ALDH3B1: variants seen among roughly 807,000 people sequenced by gnomAD.
ALDH3B1 encodes aldehyde dehydrogenase 3 family member B1.
In ALDH3B1, 37 loss-of-function variants were observed where a neutral mutation model predicts 46.2. The observed-to-expected ratio is 0.80, with a 90% CI of 0.62 to 1.05. The LOEUF is 1.05. ALDH3B1 is among the 50% of genes least tolerant of loss of function. The pLI is 0.00. For missense variants in ALDH3B1, 603 were observed against 665.5 expected (o/e 0.91, Z 1.03); for synonymous variants, 283 against 281.0 (o/e 1.01, Z -0.07).
intron 6 of ALDH3B1, 81 bp from the exon 7 acceptor site, chr11:68,021,404 G>A (rs921469112): frequency 1.3e-6 from 2 of 1,540,988 alleles, no homozygotes; most frequent in African/African-American, 1.4e-5. Flanking sequence ...CACCTCTCCA[G>A]GGAGGAGCGG....
At position 68,026,048 on chromosome 11, in the gene ALDH3B1, T is replaced by C. The variant is rs1857614983; in HGVS notation, c.1156T>C (p.Phe386Leu). The change falls in exon 9 of 10, where the codon TTC becomes CTC. Residue 386 changes from phenylalanine to leucine, a missense_variant. Transcript: ENST00000342456. ...RVLTQTSSGGFCGNDGFMHMT... is the reference protein window; with the variant it reads ...RVLTQTSSGGLCGNDGFMHMT... ...GCTGACCCAGACCAGCAGCGGGGGC[T>C]TCTGTGGGAACGACGGCTTCATGCA... 2 of 1,609,348 alleles carry C rather than the reference T, an allele frequency of 1.2e-6. No individual in the cohort carries two copies. The highest frequency in any genetic ancestry group is 1.7e-5 in the Admixed American group (1 of 59,410).
At chr11:68,014,257 T>G (rs1857293478) in intron 1 of ALDH3B1, among the ~76,000 whole-genome samples, 1 of 151,954 alleles carries the variant, frequency 6.6e-6, no homozygotes, top group African/African-American at 2.4e-5. Context: ...AACCAGACAT[T>G]TATCACATGG....
chr11:68,011,000 T>C (rs1857217659), intron 1 of ALDH3B1, among the ~76,000 whole-genome samples: 2 of 152,252 alleles, frequency 1.3e-5, no homozygotes, highest in East Asian at 3.9e-4. Flanking sequence ...GACCCGGGGC[T>C]GGGTTGGCCC....
intron 2 of ALDH3B1, 195 bp downstream of exon 2, chr11:68,015,654 G>C: frequency 1.3e-6 from 1 of 770,166 alleles, no homozygotes; most frequent in East Asian, 2.7e-5. Flanking sequence ...TATTTGCTGA[G>C]CACCTACTAT....
At chr11:68,013,021 C>T (rs536429067) in intron 1 of ALDH3B1, among the ~76,000 whole-genome samples, 3 of 151,926 alleles carry the variant, frequency 2.0e-5, no homozygotes, top group Admixed American at 6.5e-5. Context: ...GGATGAGTGC[C>T]GCGGGGGTGG....
At chr11:68,010,984 C>T (rs575975376) in intron 1 of ALDH3B1, among the ~76,000 whole-genome samples, 74 of 152,344 alleles carry the variant, frequency 4.9e-4, no homozygotes, top group Non-Finnish European at 1.0e-3. Flanking sequence ...TGTTCAGCCT[C>T]TTTGTGACCC....
intron 6 of ALDH3B1, among the ~76,000 whole-genome samples, chr11:68,020,923 G>A (rs1349751954): frequency 1.3e-5 from 2 of 152,160 alleles, no homozygotes; most frequent in Non-Finnish European, 2.9e-5. Context: ...GCCCCTGGAG[G>A]CCAGCACAGA....
chr11:68,018,567 A>C lies in ALDH3B1; in HGVS notation c.203A>C (p.Gln68Pro), dbSNP rs1487153570. Reference sequence around the variant, plus strand: ...GAGGTGTCTGAGGTTGCCATCAGCCAGGGCGAGGTCACCCTGGCCCTCAGG... The same window carrying C: ...GAGGTGTCTGAGGTTGCCATCAGCCCGGGCGAGGTCACCCTGGCCCTCAGG... ...ESEVSEVAIS[Q>P]GEVTLALRNL... The change falls in exon 3 of 10, where the codon CAG (glutamine) becomes CCG (proline). Residue 68 changes from glutamine to proline, a missense_variant. Gln to Pro is a moderately conservative substitution (Grantham distance 76). Transcript: ENST00000342456. 1 of 1,580,682 alleles carries C rather than the reference A, an allele frequency of 6.3e-7. No homozygotes were observed. Among genetic ancestry groups the C allele is most frequent in the East Asian group, 2.3e-5 (1 of 42,874 alleles).
Position 68,027,831 on chromosome 11 carries a change from G to C in ALDH3B1, c.1299G>C (p.Pro433=), listed in dbSNP as rs308341. The part of the protein sequence containing the change: ...SHHRACLLRS[P]GMEKLNALRY... The stretch of plus-strand genomic sequence containing the variant: ...ATCGCGCCTGCCTCCTGCGCAGCCC[G>C]GGGATGGAGAAGCTCAACGCCCTCC... The change falls in exon 10 of 10, where the codon CCG becomes CCC. Residue 433 remains proline, a synonymous_variant. Coordinates refer to ENST00000342456, the MANE Select transcript of ALDH3B1 (RefSeq NM_000694.4). The C allele has an allele frequency of 6.4e-7, 1 of 1,555,710 alleles. No homozygotes were observed. The highest frequency in any genetic ancestry group is 2.0e-5 in the Admixed American group (1 of 51,210).
chr11:68,025,352 G>A (rs1857595533), intron 8 of ALDH3B1: 1 of 152,218 alleles, frequency 6.6e-6, no homozygotes, highest in Non-Finnish European at 1.5e-5. Flanking sequence ...GAGGTTCACG[G>A]TGATTGCAAC....
chr11:68,027,882 C>T lies in ALDH3B1; in HGVS notation c.1350C>T (p.Arg450=). ...GCTACCCGCCGCAATCGCCGCGCCG[C>T]CTGAGGATGCTGCTGGTGGCCATGG... ...ALRYPPQSPR[R]LRMLLVAMEA... The change falls in exon 10 of 10, where the codon CGC becomes CGT. Residue 450 remains arginine, a synonymous_variant. Transcript: ENST00000342456. The T allele has an allele frequency of 6.4e-7, 1 of 1,564,012 alleles. No individual in the cohort carries two copies. The highest frequency in any genetic ancestry group is 1.2e-5 in the South Asian group (1 of 85,056).
At chr11:68,015,844 T>A (rs1409925093) in intron 2 of ALDH3B1, 1 of 361,206 alleles carries the variant, frequency 2.8e-6, no homozygotes, top group South Asian at 2.1e-5. Flanking sequence ...GGTGGGCGGA[T>A]CGCTTGAGGC....
Position 68,028,023 on chromosome 11 carries a change from G to C in ALDH3B1, c.*84G>C, listed in dbSNP as rs772953072. The C allele has an allele frequency of 6.5e-7, 1 of 1,540,026 alleles. No individual in the cohort carries two copies. Among genetic ancestry groups the C allele is most frequent in the South Asian group, 1.1e-5 (1 of 88,130 alleles). ...AGACGGGGCCTGGGCTCCCGGGCCC[G>C]AGGAGGAAAAGGATTGCCAAGGCTC... On this transcript the variant is annotated 3_prime_UTR_variant, in exon 10 of 10. Transcript: ENST00000342456.
intron 1 of ALDH3B1, among the ~76,000 whole-genome samples, chr11:68,011,211 C>G (rs1857223275): frequency 6.6e-6 from 1 of 152,222 alleles, no homozygotes; most frequent in African/African-American, 2.4e-5. Flanking sequence ...AGAGCTCCCA[C>G]CAGGCAGTGG....
rs76553326 is a variant in ALDH3B1 at position 68,019,042 on chromosome 11, C to T, written c.395-128C>T. ...TCCCCGGGCTGTGTGGCCCTGGGCC[C>T]GTCATGTTACCTCTCTGAACCAGGT... On this transcript the variant is annotated intron_variant, in intron 4 of 9. Coordinates refer to ENST00000342456, the MANE Select transcript of ALDH3B1 (RefSeq NM_000694.4). 1.7e-3 allele frequency: 2,519 copies of T among 1,442,404 alleles called. 36 individuals are homozygous for T. In the African/African-American group the frequency reaches 0.032, roughly 18 times the overall value. The allele number at this position is 1,442,404 out of a possible 1,614,324, so 89.4% of individuals were successfully genotyped here.
chr11:68,017,305 C>T (rs1418682430), intron 2 of ALDH3B1: 1 of 152,338 alleles, frequency 6.6e-6, no homozygotes, highest in Non-Finnish European at 1.5e-5. Context: ...TAGGAGGTGC[C>T]AGTGGGCGTG....
At chr11:68,023,145 A>G (rs1356843277) in intron 8 of ALDH3B1, among the ~76,000 whole-genome samples, 1 of 152,168 alleles carries the variant, frequency 6.6e-6, no homozygotes, top group African/African-American at 2.4e-5. Flanking sequence ...TCCAAGAATG[A>G]GCCCTGATCC....
At chr11:68,027,078 C>T (rs760175738) in intron 9 of ALDH3B1, among the ~76,000 whole-genome samples, 46 of 152,124 alleles carry the variant, frequency 3.0e-4, no homozygotes, top group Non-Finnish European at 3.5e-4. Flanking sequence ...GTGGCCCCAC[C>T]CCGGCTTCCC....
rs539715172 is a variant in ALDH3B1, at chr11:68,014,752, G to A, written c.-1-545G>A. Among the ~76,000 whole-genome samples, 15 of 152,328 alleles carry A rather than the reference G, an allele frequency of 9.8e-5. No homozygotes were observed. In the East Asian group the frequency reaches 2.7e-3, roughly 27 times the overall value. On this transcript the variant is annotated intron_variant, in intron 1 of 9. Transcript: ENST00000342456. ...CCCTGGGCAGTGCCCCCAGGCTGGG[G>A]ACAGAGGAAGACGGAGAATTCTGTG...
Sources: gnomAD v4.1 joint callset for allele counts (sites outside exome capture counted in the v4.1 genomes callset) on GRCh38, gnomAD v4.1.1 for gene constraint, MANE v1.5 for transcripts, NCBI Gene and HGNC (gene_info 2026-07-23, HGNC 2026-07-21) for gene names.